ANKRD11: variants seen among roughly 807,000 people sequenced by gnomAD.
The protein encoded by ANKRD11 is ankyrin repeat domain 11.
A neutral mutation model predicts 195.7 loss-of-function variants in ANKRD11; 17 were observed. That is an observed-to-expected ratio of 0.09 (90% CI 0.06 to 0.13). The LOEUF is 0.13. Among genes scored for constraint, ANKRD11 ranks in the 10% least tolerant of loss-of-function variants. The pLI is 1.00. For missense variants in ANKRD11, 3,735 were observed against 3,566.1 expected (o/e 1.05, Z -1.21); for synonymous variants, 1,953 against 1,528.1 (o/e 1.28, Z -6.49).
chr16:89,368,981 A>AG (rs1465383064), intron 2 of ANKRD11, among the ~76,000 whole-genome samples: 1 of 152,146 alleles, frequency 6.6e-6, no homozygotes, highest in Non-Finnish European at 1.5e-5. Flanking sequence ...GGAGGGAACA[A>AG]GGGTTGCATA....
Position 89,301,346 on chromosome 16 carries a change from A to T in ANKRD11, c.226+3860T>A, listed in dbSNP as rs1217771048. ...TAGTATCATTTGAAGCAAATCCCAG[A>T]TATCATATAATTTAATATGAATGCT... On this transcript the variant is annotated intron_variant, in intron 4 of 12. Transcript: ENST00000301030. The T allele has an allele frequency of 1.5e-5, 6 of 391,358 alleles. No individual in the cohort carries two copies. In the South Asian group the frequency reaches 8.5e-4, roughly 55 times the overall value. 24.2% of individuals were successfully genotyped at this position (391,358 alleles called of 1,614,324 possible).
chr16:89,397,371 T>C (rs1251283416), intron 2 of ANKRD11, among the ~76,000 whole-genome samples: 2 of 152,240 alleles, frequency 1.3e-5, no homozygotes, highest in Non-Finnish European at 2.9e-5. Flanking sequence ...TTACAAAATC[T>C]GAGTTTTCTC....
chr16:89,385,113 T>C (rs1486200339), intron 2 of ANKRD11, among the ~76,000 whole-genome samples: 2 of 152,036 alleles, frequency 1.3e-5, no homozygotes, highest in Non-Finnish European at 2.9e-5. Flanking sequence ...CTTGAACTCT[T>C]GACCTCAGGT....
At chr16:89,329,177 CG>C (rs1344878747) in intron 2 of ANKRD11, among the ~76,000 whole-genome samples, 1 of 152,162 alleles carries the variant, frequency 6.6e-6, no homozygotes, top group African/African-American at 2.4e-5. Context: ...GGGAAACAGG[CG>C]GGGACTCCGT....
chr16:89,475,021 A>T (rs1010697283), intron 1 of ANKRD11, among the ~76,000 whole-genome samples: 6 of 152,166 alleles, frequency 3.9e-5, no homozygotes, highest in Non-Finnish European at 7.4e-5. Context: ...GTGCAGTGAG[A>T]TGAGGACCTC....
At chr16:89,414,707 G>C (rs1035171780) in intron 2 of ANKRD11, among the ~76,000 whole-genome samples, 4 of 152,266 alleles carry the variant, frequency 2.6e-5, no homozygotes, top group African/African-American at 9.6e-5. Flanking sequence ...CAAGGCTGTC[G>C]GGGACCCTAT....
chr16:89,383,479 C>T (rs2040754215), intron 2 of ANKRD11, among the ~76,000 whole-genome samples: 1 of 152,224 alleles, frequency 6.6e-6, no homozygotes, highest in Non-Finnish European at 1.5e-5. Context: ...ATTTCTGTCT[C>T]ATTCAAAACC....
At chr16:89,295,031 T>C (rs546970918) in intron 4 of ANKRD11, among the ~76,000 whole-genome samples, 1 of 152,266 alleles carries the variant, frequency 6.6e-6, no homozygotes, top group Admixed American at 6.5e-5. Context: ...ACAATTTCTA[T>C]GAATTCCAAA....
intron 1 of ANKRD11, among the ~76,000 whole-genome samples, chr16:89,431,661 T>A (rs2042984087): frequency 6.6e-6 from 1 of 152,176 alleles, no homozygotes; most frequent in Non-Finnish European, 1.5e-5. Context: ...TCCCTCAATG[T>A]TGTCTTCAGC....
chr16:89,335,287 C>G (rs1001860701), intron 2 of ANKRD11, among the ~76,000 whole-genome samples: 3 of 152,170 alleles, frequency 2.0e-5, no homozygotes, highest in African/African-American at 7.2e-5. Context: ...AGTGCACCCC[C>G]AAGCAGGGGC....
At chr16:89,339,404 A>G (rs1413923017) in intron 2 of ANKRD11, among the ~76,000 whole-genome samples, 1 of 152,236 alleles carries the variant, frequency 6.6e-6, no homozygotes, top group Non-Finnish European at 1.5e-5. Context: ...GAACTGGGAA[A>G]GCTGGTCGGT....
chr16:89,344,979 AACACAGC>A (rs1217337049), intron 2 of ANKRD11, among the ~76,000 whole-genome samples: 3 of 152,214 alleles, frequency 2.0e-5, no homozygotes, highest in Non-Finnish European at 4.4e-5. Flanking sequence ...AAAAAGCACA[AACACAGC>A]ACACAGCAGA....
intron 2 of ANKRD11, 119 bp downstream of exon 2, chr16:89,418,165 C>A: frequency 2.4e-6 from 1 of 412,402 alleles, no homozygotes; most frequent in Non-Finnish European, 5.0e-6. Flanking sequence ...CACAACATTT[C>A]GACAAAACTC....
chr16:89,280,389 T>C lies in ANKRD11; in HGVS notation c.6153A>G (p.Ser2051=), dbSNP rs553002021. ...AGGGAGGGGCGTAGGGAGCCGCCTC[T>C]GAGGTGGAGATGGCGGCGGGGACGG... ...VDAVPAAIST[S]EAAPYAPPSG... Residue 2051 remains serine (S), a synonymous_variant, in exon 9 of 13, where the codon TCA becomes TCG. Transcript: ENST00000301030. The C allele has an allele frequency of 1.5e-5, 23 of 1,561,870 alleles. No homozygotes were observed. Among genetic ancestry groups the C allele is most frequent in the African/African-American group, 6.8e-5 (5 of 73,496 alleles).
chr16:89,292,391 C>T (rs2035119953), intron 4 of ANKRD11, among the ~76,000 whole-genome samples: 1 of 152,200 alleles, frequency 6.6e-6, no homozygotes, highest in Admixed American at 6.5e-5. Context: ...GCTCAGCTCC[C>T]AGGGCCCGAC....
At chr16:89,489,454 T>TCAATG (rs2057736837) in intron 1 of ANKRD11, among the ~76,000 whole-genome samples, 2 of 106,420 alleles carry the variant, frequency 1.9e-5, no homozygotes, top group South Asian at 6.6e-4. Flanking sequence ...CTGCCCGCAT[T>TCAATG]CCTGCCCCTC....
In ANKRD11 at chr16:89,362,840, T is replaced by C. The variant is rs11861078; in HGVS notation, c.-59-45762A>G. Among the ~76,000 whole-genome samples, 1,175 of 152,194 alleles carry C rather than the reference T, an allele frequency of 7.7e-3. 12 individuals carry two copies. The highest frequency in any genetic ancestry group is 0.027 in the African/African-American group (1,122 of 41,506). ...AGCATTCCACAAATTACTTCCTCCT[T>C]CCTTTGTTCTCCTCTGCCTTTGCCT... On this transcript the variant is annotated intron_variant, in intron 2 of 12. Coordinates refer to ENST00000301030, the MANE Select transcript of ANKRD11 (RefSeq NM_013275.6).
intron 2 of ANKRD11, among the ~76,000 whole-genome samples, chr16:89,340,674 G>A (rs1288062830): frequency 6.6e-6 from 1 of 152,164 alleles, no homozygotes; most frequent in Non-Finnish European, 1.5e-5. Context: ...TACAAAAAGA[G>A]ACAATATAAT....
intron 2 of ANKRD11, among the ~76,000 whole-genome samples, chr16:89,368,369 G>GT (rs2040039884): frequency 2.4e-5 from 1 of 42,206 alleles, no homozygotes; most frequent in African/African-American, 7.5e-5. Context: ...GCTAATTTTT[G>GT]TGTTTTTTTT....
Sources: allele counts gnomAD v4.1 joint callset (sites outside exome capture counted in the v4.1 genomes callset), GRCh38; gene constraint gnomAD v4.1.1; transcripts MANE v1.5; gene names NCBI Gene and HGNC (gene_info 2026-07-23, HGNC 2026-07-21).